The following EPB41L4B variants were observed in gnomAD, a reference collection of about 807,000 sequenced individuals.
EPB41L4B encodes the protein erythrocyte membrane protein band 4.1 like 4B.
A neutral mutation model predicts 112.5 loss-of-function variants in EPB41L4B; 30 were observed. That is an observed-to-expected ratio of 0.27 (90% CI 0.20 to 0.36). The LOEUF (loss-of-function observed/expected upper bound fraction) is 0.36, where lower values mean the gene tolerates loss of function less well. EPB41L4B is among the 10% of genes least tolerant of loss of function. The pLI is 1.00. For missense variants in EPB41L4B, 1,024 were observed against 1,133.3 expected, an observed-to-expected ratio of 0.90 and a Z score of 1.38; for synonymous variants, 408 against 439.7, an observed-to-expected ratio of 0.93 and a Z score of 0.90.
rs751739327 is a variant in EPB41L4B, at chr9:109,203,674, G to A, written c.1935C>T (p.Asp645=). ...VNINKKSSLQ[D]ASVRSPIPIR... is the part of the protein sequence containing the mutation. Reference sequence around the variant, plus strand: ...AAGGAGCAACAGACCTTACACTAGCGTCCTGAAGACTGGATTTCTTATTGA... The same window carrying A: ...AAGGAGCAACAGACCTTACACTAGCATCCTGAAGACTGGATTTCTTATTGA... Residue 645 remains aspartate (D), a synonymous_variant, in exon 19 of 26, where the codon GAC becomes GAT. Transcript: ENST00000374566. The A allele has an allele frequency of 2.4e-5, 38 of 1,612,918 alleles. No homozygotes were observed. The highest frequency in any genetic ancestry group is 7.7e-5 in the South Asian group (7 of 91,048).
At chr9:109,216,381 C>T (rs1402336838) in intron 16 of EPB41L4B, among the ~76,000 whole-genome samples, 2 of 152,178 alleles carry the variant, frequency 1.3e-5, no homozygotes, top group Non-Finnish European at 2.9e-5. Flanking sequence ...TGGCTCACGC[C>T]TGTAATCCTA....
At chr9:109,210,954 CTGTT>C (rs1373263527) in intron 17 of EPB41L4B, among the ~76,000 whole-genome samples, 6 of 152,162 alleles carry the variant, frequency 3.9e-5, no homozygotes, top group Non-Finnish European at 7.4e-5. Context: ...AATAGTCCGT[CTGTT>C]TGGGGATATC....
chr9:109,297,062 T>C (rs1351085802), intron 1 of EPB41L4B, among the ~76,000 whole-genome samples: 1 of 151,926 alleles, frequency 6.6e-6, no homozygotes, highest in Non-Finnish European at 1.5e-5. Flanking sequence ...GTGAAGTTGT[T>C]AGAATGACCC....
chr9:109,302,794 G>A (rs1199273808), intron 1 of EPB41L4B, among the ~76,000 whole-genome samples: 1 of 152,136 alleles, frequency 6.6e-6, no homozygotes, highest in African/African-American at 2.4e-5. Context: ...CTGTACCAGG[G>A]TGCAGCTGCC....
At chr9:109,256,093 A>G (rs781660590) in intron 9 of EPB41L4B, 43 bp downstream of exon 9, 1 of 1,552,852 alleles carries the variant, frequency 6.4e-7, no homozygotes, top group Non-Finnish European at 8.9e-7. Flanking sequence ...TTCCACCACA[A>G]AATAGGAAAA....
chr9:109,278,594 G>C (rs145791196), intron 2 of EPB41L4B, among the ~76,000 whole-genome samples: 2 of 152,240 alleles, frequency 1.3e-5, no homozygotes, highest in African/African-American at 4.8e-5. Context: ...CATTATGGGA[G>C]CTCCAGGTCT....
chr9:109,292,918 G>C (rs2119186458), intron 1 of EPB41L4B, among the ~76,000 whole-genome samples: 1 of 152,318 alleles, frequency 6.6e-6, no homozygotes, highest in African/African-American at 2.4e-5. Context: ...ACGTTTAAGA[G>C]GCCACAAGCA....
chr9:109,194,139 T>C lies in EPB41L4B; in HGVS notation c.2223+81A>G, dbSNP rs1588126208. On this transcript the variant is annotated intron_variant, in intron 21 of 25. Coordinates refer to ENST00000374566, the MANE Select transcript of EPB41L4B (RefSeq NM_019114.5). ...ATTGATTATGCAAAATTTAAATACA[T>C]GCACCAGATGCTACTCAGTAAATTG... is the stretch of plus-strand genomic sequence containing the variant. The C allele has an allele frequency of 3.4e-6, 5 of 1,458,358 alleles. No homozygotes were observed. The African/African-American group carries it at 4.2e-5, about 12-fold the overall frequency. 90.3% of individuals were successfully genotyped at this position (1,458,358 alleles called of 1,614,324 possible). A position where few individuals can be genotyped will look rare whatever the true frequency, so the allele number is the denominator to read the frequency against.
rs57820035 is a variant in EPB41L4B, at chr9:109,191,150, C to T, written c.2301+1128G>A. On this transcript the variant is annotated intron_variant, in intron 22 of 25. Transcript: ENST00000374566. Reference sequence around the variant, plus strand: ...TTCCCTTCTAGGACCCTTTGGCGCTCATGGAAATAGGATTCTGGAACAAAG... The same window carrying T: ...TTCCCTTCTAGGACCCTTTGGCGCTTATGGAAATAGGATTCTGGAACAAAG... Among the ~76,000 whole-genome samples the T allele has an allele frequency of 3.3e-3, 505 of 152,236 alleles. 1 individual carries two copies. Among genetic ancestry groups the T allele is most frequent in the African/African-American group, 0.011 (477 of 41,540 alleles).
intron 20 of EPB41L4B, among the ~76,000 whole-genome samples, chr9:109,196,718 G>GAAA (rs34024676): frequency 4.7e-5 from 4 of 84,624 alleles, no homozygotes; most frequent in African/African-American, 8.4e-5. Context: ...CCTTGTCTCC[G>GAAA]AAAAAAAAAA....
rs752403352 is a variant in EPB41L4B at position 109,321,008 on chromosome 9, A to AGCC, written c.-565_-563dup. ...CTCCCACCTGGGAGGCTGCACCTCC[A>AGCC]GCCGCCGCCGCCGCCGCCGCCGCCG... On this transcript the variant is annotated 5_prime_UTR_variant, in exon 1 of 26. Coordinates refer to ENST00000374566, the MANE Select transcript of EPB41L4B (RefSeq NM_019114.5). 3.5e-3 allele frequency: 627 copies of AGCC among 181,272 alleles called. 5 individuals carry two copies. Among genetic ancestry groups the AGCC allele is most frequent in the African/African-American group, 7.1e-3 (285 of 39,870 alleles). The allele number at this position is 181,272 out of a possible 1,614,324, so 11.2% of individuals were successfully genotyped here. A position where few individuals can be genotyped will look rare whatever the true frequency, so the allele number is the denominator to read the frequency against.
At chr9:109,255,390 G>T in intron 11 of EPB41L4B, 121 bp downstream of exon 11, 1 of 1,158,060 alleles carries the variant, frequency 8.6e-7, no homozygotes. Context: ...AGAAACGTGG[G>T]GATGGGACAC....
chr9:109,320,479 T>TGCGCTGCCGCTG lies in EPB41L4B; in HGVS notation c.-45_-34dup. 1 of 882,762 alleles carries TGCGCTGCCGCTG rather than the reference T, an allele frequency of 1.1e-6. No individual in the cohort carries two copies. Among genetic ancestry groups the TGCGCTGCCGCTG allele is most frequent in the South Asian group, 6.0e-5 (1 of 16,554 alleles). The allele number at this position is 882,762 out of a possible 1,614,324, so 54.7% of individuals were successfully genotyped here. A position where few individuals can be genotyped will look rare whatever the true frequency, so the allele number is the denominator to read the frequency against. ...GGGGGCGCCCCCTGCCTCCGCCCCC[T>TGCGCTGCCGCTG]GCGCTGCCGCTGCCGCTGCCGCTGC... On this transcript the variant is annotated 5_prime_UTR_variant, in exon 1 of 26. Transcript: ENST00000374566.
intron 22 of EPB41L4B, among the ~76,000 whole-genome samples, chr9:109,188,336 C>G (rs1832341355): frequency 6.6e-6 from 1 of 152,106 alleles, no homozygotes; most frequent in Admixed American, 6.5e-5. Flanking sequence ...CAGCAAGAAC[C>G]AGCCCTGCCA....
At chr9:109,305,084 G>A (rs1397146750) in intron 1 of EPB41L4B, among the ~76,000 whole-genome samples, 1 of 151,866 alleles carries the variant, frequency 6.6e-6, no homozygotes, top group Non-Finnish European at 1.5e-5. Flanking sequence ...GCCATCTATT[G>A]CTTGAATTAC....
chr9:109,252,956 G>C (rs1423735066), intron 12 of EPB41L4B, among the ~76,000 whole-genome samples: 2 of 152,058 alleles, frequency 1.3e-5, no homozygotes, highest in African/African-American at 2.4e-5. Context: ...GGCATTCTAG[G>C]GCCTGGCTAA....
intron 15 of EPB41L4B, among the ~76,000 whole-genome samples, chr9:109,243,064 T>C (rs1410476770): frequency 6.6e-6 from 1 of 151,776 alleles, no homozygotes; most frequent in African/African-American, 2.4e-5. Flanking sequence ...CAAAGTACAA[T>C]GGCAGAGTTA....
At chr9:109,208,406 C>A (rs953370951) in intron 17 of EPB41L4B, among the ~76,000 whole-genome samples, 2 of 152,176 alleles carry the variant, frequency 1.3e-5, no homozygotes, top group Admixed American at 1.3e-4. Flanking sequence ...CCATCTCTTA[C>A]ATAGAAAAAT....
At chr9:109,318,568 C>A (rs1433877329) in intron 1 of EPB41L4B, among the ~76,000 whole-genome samples, 1 of 152,054 alleles carries the variant, frequency 6.6e-6, no homozygotes, top group Non-Finnish European at 1.5e-5. Flanking sequence ...TTCCCAGATC[C>A]GAGATGCAAA....
Sources: gnomAD v4.1 joint callset for allele counts (sites outside exome capture counted in the v4.1 genomes callset) on GRCh38, gnomAD v4.1.1 for gene constraint, MANE v1.5 for transcripts, NCBI Gene and HGNC (gene_info 2026-07-23, HGNC 2026-07-21) for gene names.